The following CYP2C19 variants were observed in gnomAD, a reference collection of about 807,000 sequenced individuals.
The protein encoded by CYP2C19 is cytochrome P450 family 2 subfamily C member 19.
In CYP2C19, 59 loss-of-function variants were observed where a neutral mutation model predicts 40.9. The observed-to-expected ratio is 1.44, with a 90% CI of 1.17 to 1.79. The LOEUF is 1.79. Among genes scored for constraint, CYP2C19 ranks in the 40% most tolerant of loss-of-function variants. CYP2C19 has a pLI of 0.00. For missense variants in CYP2C19, 754 were observed against 596.9 expected (o/e 1.26, Z -2.74); for synonymous variants, 253 against 208.7 (o/e 1.21, Z -1.83).
chr10:94,820,415 C>A (rs1347681986), intron 5 of CYP2C19, 81 bp from the exon 6 acceptor site: 7 of 1,491,908 alleles, frequency 4.7e-6, no homozygotes, highest in African/African-American at 1.4e-5. Flanking sequence ...GGTAAGTATA[C>A]AATGTGAGTA....
At chr10:94,785,055 T>C (rs575984014) in intron 5 of CYP2C19, among the ~76,000 whole-genome samples, 69 of 152,260 alleles carry the variant, frequency 4.5e-4, no homozygotes, top group Non-Finnish European at 1.3e-4. Flanking sequence ...ATTGTTTATG[T>C]TTTCAAAACA....
intron 1 of CYP2C19, 151 bp from the exon 2 acceptor site, chr10:94,774,907 T>C (rs1848385183): frequency 3.7e-6 from 3 of 821,660 alleles, no homozygotes; most frequent in South Asian, 1.8e-5. Context: ...ATAATAATCA[T>C]CATCATGTTT....
intron 1 of CYP2C19, among the ~76,000 whole-genome samples, chr10:94,770,536 T>C (rs1429062432): frequency 6.6e-6 from 1 of 152,052 alleles, no homozygotes; most frequent in African/African-American, 2.4e-5. Flanking sequence ...AGGTTGCCAG[T>C]TTTAATAATG....
At chr10:94,780,917 G>A (rs532240870) in intron 4 of CYP2C19, among the ~76,000 whole-genome samples, 3 of 152,234 alleles carry the variant, frequency 2.0e-5, no homozygotes, top group South Asian at 4.1e-4. Flanking sequence ...CCAAAGCCCT[G>A]TTTCTATAAA....
intron 1 of CYP2C19, among the ~76,000 whole-genome samples, chr10:94,766,165 G>A (rs1848239832): frequency 6.6e-6 from 1 of 152,178 alleles, no homozygotes; most frequent in East Asian, 1.9e-4. Context: ...TGGGAATGGG[G>A]GTGGCAACAT....
chr10:94,804,088 G>A (rs1315106339), intron 5 of CYP2C19, among the ~76,000 whole-genome samples: 1 of 152,108 alleles, frequency 6.6e-6, no homozygotes, highest in Non-Finnish European at 1.5e-5. Context: ...AGGACTGCTG[G>A]TCCAGGCAAG....
chr10:94,783,881 A>G (rs1848507930), intron 5 of CYP2C19, among the ~76,000 whole-genome samples: 1 of 152,130 alleles, frequency 6.6e-6, no homozygotes, highest in Non-Finnish European at 1.5e-5. Context: ...TCTGTAGAAC[A>G]GGGAGTTATG....
rs897293993 is a variant in CYP2C19, at chr10:94,855,462, G to A, written c.*2548G>A. Among the ~76,000 whole-genome samples the A allele has an allele frequency of 1.3e-5, 2 of 152,174 alleles. No individual in the cohort carries two copies. Among genetic ancestry groups the A allele is most frequent in the Admixed American group, 6.5e-5 (1 of 15,272 alleles). On this transcript the variant is annotated 3_prime_UTR_variant, in exon 9 of 9. Transcript: ENST00000371321. ...TCCCTAAAATACATATTTCATATGAGAAGAGAACTTTATTTGGCTCACTAA... is the reference window on the plus strand; with the variant it reads ...TCCCTAAAATACATATTTCATATGAAAAGAGAACTTTATTTGGCTCACTAA...
intron 7 of CYP2C19, 60 bp from the exon 8 acceptor site, chr10:94,849,857 T>G (rs1032806499): frequency 6.3e-7 from 1 of 1,593,360 alleles, no homozygotes; most frequent in Admixed American, 1.7e-5. Flanking sequence ...TGATTACCAC[T>G]GTTTCTTAAA....
chr10:94,843,091 T>A, intron 7 of CYP2C19, 67 bp downstream of exon 7: 1 of 1,574,086 alleles, frequency 6.4e-7, no homozygotes, highest in Non-Finnish European at 8.7e-7. Context: ...GTATGATTCT[T>A]ACCCTCTACC....
intron 5 of CYP2C19, among the ~76,000 whole-genome samples, chr10:94,783,843 A>G (rs1180746790): frequency 1.3e-5 from 2 of 152,142 alleles, no homozygotes; most frequent in Non-Finnish European, 2.9e-5. Context: ...AAAGGAGCCA[A>G]TGGGAATTTT....
At chr10:94,815,999 CTT>C (rs1291804955) in intron 5 of CYP2C19, among the ~76,000 whole-genome samples, 2 of 152,040 alleles carry the variant, frequency 1.3e-5, no homozygotes, top group Admixed American at 6.6e-5. Context: ...GTAATAGTAA[CTT>C]TAACAGAAAA....
intron 1 of CYP2C19, among the ~76,000 whole-genome samples, chr10:94,767,999 C>G (rs1026282900): frequency 6.6e-6 from 1 of 152,124 alleles, no homozygotes; most frequent in Non-Finnish European, 1.5e-5. Context: ...TCTCCTTCAC[C>G]TTTCTGATGT....
chr10:94,806,673 A>G (rs1030934882), intron 5 of CYP2C19, among the ~76,000 whole-genome samples: 2 of 148,208 alleles, frequency 1.3e-5, no homozygotes, highest in Admixed American at 1.4e-4. Flanking sequence ...AGTAAAAAAT[A>G]TATTATAAAT....
chr10:94,813,639 C>T (rs113153908), intron 5 of CYP2C19, among the ~76,000 whole-genome samples: 8 of 151,944 alleles, frequency 5.3e-5, no homozygotes, highest in Non-Finnish European at 8.8e-5. Flanking sequence ...AACACCCCCC[C>T]CAAGCTCGAA....
intron 5 of CYP2C19, among the ~76,000 whole-genome samples, chr10:94,817,552 T>A (rs1849026470): frequency 6.9e-6 from 1 of 145,762 alleles, no homozygotes; most frequent in Non-Finnish European, 1.5e-5. Flanking sequence ...TGATGGTAGT[T>A]TCTTTTGCTG....
chr10:94,782,023 A>T (rs1848486653), intron 5 of CYP2C19, 26 bp downstream of exon 5: 6 of 1,515,384 alleles, frequency 4.0e-6, no homozygotes, highest in Non-Finnish European at 5.3e-6. Flanking sequence ...AAGCTTAGTT[A>T]TGTGACTGCT....
intron 5 of CYP2C19, among the ~76,000 whole-genome samples, chr10:94,818,662 G>A (rs988877582): frequency 4.7e-5 from 7 of 148,718 alleles, no homozygotes; most frequent in Non-Finnish European, 7.4e-5. Flanking sequence ...ATTGTGAATG[G>A]GAGTTCACTC....
rs551378772 is a variant in CYP2C19 at position 94,764,331 on chromosome 10, C to G, written c.168+1458C>G. On this transcript the variant is annotated intron_variant, in intron 1 of 8. Coordinates refer to ENST00000371321, the MANE Select transcript of CYP2C19 (RefSeq NM_000769.4). ...CTGATTGATCTGTTTTTACAGAGTG[C>G]TGATTGGTGTGTTTACAAACCTTTA... 3.9e-5 allele frequency among the ~76,000 whole-genome samples: 6 copies of G among 152,240 alleles called. No individual in the cohort carries two copies. In the South Asian group the frequency reaches 1.0e-3, roughly 26 times the overall value.
Sources: allele counts gnomAD v4.1 joint callset (sites outside exome capture counted in the v4.1 genomes callset), GRCh38; gene constraint gnomAD v4.1.1; transcripts MANE v1.5; gene names NCBI Gene and HGNC (gene_info 2026-07-23, HGNC 2026-07-21).